Variants in ADAM32 observed in about 807,000 individuals in gnomAD.
ADAM32 encodes disintegrin and metalloproteinase domain-containing protein 32.
Under a neutral mutation model 114.9 loss-of-function variants are expected in ADAM32, and 89 were observed. That is an observed-to-expected ratio of 0.77 (90% CI 0.65 to 0.92). The LOEUF (loss-of-function observed/expected upper bound fraction) is 0.92, where lower values mean the gene tolerates loss of function less well. Among genes scored for constraint, ADAM32 ranks in the 40% least tolerant of loss-of-function variants. The probability of loss-of-function intolerance (pLI) is 0.00; values close to 1 mark genes in which losing one functional copy is unlikely to be tolerated. For synonymous variants in ADAM32, 285 were observed against 307.5 expected (o/e 0.93, Z 0.77); for missense variants, 870 against 932.8 (o/e 0.93, Z 0.88).
At chr8:39,281,723 C>T (rs1022796401) in intron 23 of ADAM32, among the ~76,000 whole-genome samples, 1 of 152,176 alleles carries the variant, frequency 6.6e-6, no homozygotes. Flanking sequence ...TCCTACACCC[C>T]ACAGTTGTGG....
intron 16 of ADAM32, among the ~76,000 whole-genome samples, chr8:39,234,703 T>C (rs1298507401): frequency 6.6e-6 from 1 of 152,228 alleles, no homozygotes; most frequent in African/African-American, 2.4e-5. Flanking sequence ...ATTTGTCATC[T>C]TTGAAACCAA....
At chr8:39,234,181 A>C (rs1312858681) in intron 16 of ADAM32, 99 bp downstream of exon 16, 2 of 920,330 alleles carry the variant, frequency 2.2e-6, no homozygotes, top group East Asian at 6.5e-5. Flanking sequence ...GTATTAGGTA[A>C]TCTTAAATGT....
At chr8:39,246,962 T>G (rs1810971934) in intron 17 of ADAM32, among the ~76,000 whole-genome samples, 2 of 152,170 alleles carry the variant, frequency 1.3e-5, no homozygotes, top group Non-Finnish European at 2.9e-5. Context: ...GTATGTAGCC[T>G]TTTCAGATTG....
chr8:39,187,186 A>G (rs1439514650), intron 11 of ADAM32, 141 bp downstream of exon 11: 1 of 724,088 alleles, frequency 1.4e-6, no homozygotes, highest in Admixed American at 3.3e-5. Context: ...TTTTAAATGT[A>G]AAAGTAGTAT....
At chr8:39,241,832 C>T (rs985616691) in intron 16 of ADAM32, among the ~76,000 whole-genome samples, 1 of 152,212 alleles carries the variant, frequency 6.6e-6, no homozygotes, top group Non-Finnish European at 1.5e-5. Flanking sequence ...CATTTGGGTC[C>T]CCATTACTCA....
At chr8:39,127,445 G>T (rs1295745099) in intron 2 of ADAM32, among the ~76,000 whole-genome samples, 2 of 152,050 alleles carry the variant, frequency 1.3e-5, no homozygotes, top group Admixed American at 1.3e-4. Context: ...ATTTCTTCTA[G>T]ATTTTCTAGT....
At chr8:39,220,312 C>G (rs1463235578) in intron 12 of ADAM32, among the ~76,000 whole-genome samples, 1 of 152,122 alleles carries the variant, frequency 6.6e-6, no homozygotes, top group South Asian at 2.1e-4. Flanking sequence ...CAACCCTTTA[C>G]TATTAGCCTA....
At chr8:39,204,740 T>C (rs1807704432) in intron 11 of ADAM32, among the ~76,000 whole-genome samples, 1 of 152,252 alleles carries the variant, frequency 6.6e-6, no homozygotes, top group Non-Finnish European at 1.5e-5. Flanking sequence ...TGCTCTGTTT[T>C]ATCCCCATCT....
At chr8:39,209,151 G>A (rs375406780) in intron 11 of ADAM32, among the ~76,000 whole-genome samples, 8 of 152,076 alleles carry the variant, frequency 5.3e-5, no homozygotes, top group African/African-American at 1.7e-4. Flanking sequence ...GATCCAATAA[G>A]TGTTATTTGT....
At chr8:39,248,526 G>T (rs879268172) in intron 17 of ADAM32, among the ~76,000 whole-genome samples, 1 of 152,070 alleles carries the variant, frequency 6.6e-6, no homozygotes, top group Non-Finnish European at 1.5e-5. Flanking sequence ...ATTGGCTTTT[G>T]TGCATTAACC....
intron 17 of ADAM32, among the ~76,000 whole-genome samples, chr8:39,248,773 GTATC>G (rs2129450195): frequency 6.6e-6 from 1 of 152,182 alleles, no homozygotes; most frequent in East Asian, 1.9e-4. Context: ...TACTGGGAAA[GTATC>G]TAATATCTCA....
chr8:39,169,441 A>G (rs1311306130), intron 9 of ADAM32: 1 of 152,730 alleles, frequency 6.5e-6, no homozygotes, highest in Non-Finnish European at 1.5e-5. Context: ...GAATAGTGCT[A>G]TTATTATATG....
At chr8:39,157,660 C>A in intron 6 of ADAM32, 1 of 703,828 alleles carries the variant, frequency 1.4e-6, no homozygotes, top group South Asian at 1.4e-5. Context: ...TAAGGTCAGT[C>A]TTCTCCAGAG....
intron 12 of ADAM32, among the ~76,000 whole-genome samples, chr8:39,219,496 G>A (rs1808808557): frequency 1.3e-5 from 2 of 152,152 alleles, no homozygotes; most frequent in South Asian, 2.1e-4. Context: ...ATGGATGGGT[G>A]TCAGCTGAGT....
chr8:39,173,340 C>G (rs1805309259), intron 10 of ADAM32, among the ~76,000 whole-genome samples: 2 of 152,096 alleles, frequency 1.3e-5, no homozygotes, highest in South Asian at 4.1e-4. Flanking sequence ...TCTGTTGTTT[C>G]TTGACTTTTT....
intron 14 of ADAM32, among the ~76,000 whole-genome samples, chr8:39,226,542 A>C (rs1809381514): frequency 6.6e-6 from 1 of 152,150 alleles, no homozygotes; most frequent in African/African-American, 2.4e-5. Flanking sequence ...AGAGAAAAAA[A>C]AAGATTAAGT....
At chr8:39,145,441 T>C (rs895904793) in intron 3 of ADAM32, among the ~76,000 whole-genome samples, 2 of 152,140 alleles carry the variant, frequency 1.3e-5, no homozygotes, top group Non-Finnish European at 1.5e-5. Context: ...AGTAGTAAAT[T>C]AAACCACAGA....
chr8:39,270,406 C>T (rs529199351), intron 19 of ADAM32, among the ~76,000 whole-genome samples: 2 of 152,244 alleles, frequency 1.3e-5, no homozygotes, highest in South Asian at 4.2e-4. Context: ...TGAGATGGCT[C>T]CTTCTGGCTC....
chr8:39,251,008 A>G (rs1175863988), intron 17 of ADAM32, among the ~76,000 whole-genome samples: 1 of 151,870 alleles, frequency 6.6e-6, no homozygotes, highest in Non-Finnish European at 1.5e-5. Flanking sequence ...ATGGGATTTC[A>G]TTATTTTTAT....
Sources: allele counts gnomAD v4.1 joint callset (sites outside exome capture counted in the v4.1 genomes callset), GRCh38; gene constraint gnomAD v4.1.1; transcripts MANE v1.5; gene names NCBI Gene and HGNC (gene_info 2026-07-23, HGNC 2026-07-21).